Variants in ZNF395 observed in about 807,000 individuals in gnomAD.
The protein encoded by ZNF395 is HD gene regulatory region-binding protein 2.
In ZNF395, 20 loss-of-function variants were observed where a neutral mutation model predicts 57.7. The observed-to-expected ratio is 0.35, with a 90% CI of 0.24 to 0.50. The LOEUF (loss-of-function observed/expected upper bound fraction) is 0.50, where lower values mean the gene tolerates loss of function less well. Among genes scored for constraint, ZNF395 ranks in the 20% least tolerant of loss-of-function variants. The pLI is 0.97. For synonymous variants in ZNF395, 295 were observed against 275.9 expected (o/e 1.07, Z -0.69); for missense variants, 606 against 671.2 (o/e 0.90, Z 1.07).
intron 2 of ZNF395, among the ~76,000 whole-genome samples, 176 bp downstream of exon 2, chr8:28,360,709 A>T (rs1181922098): frequency 6.6e-6 from 1 of 152,248 alleles, no homozygotes; most frequent in Non-Finnish European, 1.5e-5. Context: ...CCCTGGGTCT[A>T]CTAACAATGT....
At chr8:28,383,101 C>A (rs552430176) in intron 1 of ZNF395, among the ~76,000 whole-genome samples, 3 of 152,226 alleles carry the variant, frequency 2.0e-5, no homozygotes, top group Non-Finnish European at 4.4e-5. Context: ...ATCAGACACA[C>A]TCTATAAAGA....
rs1003605307 is a variant in ZNF395, at chr8:28,352,194, G to A, written c.920+379C>T. Reference sequence around the variant, plus strand: ...AAACTCGCTCTGCACAGAACACGGCGGAGGCACCAGGGTGGGGCTAGCGGA... The same window carrying A: ...AAACTCGCTCTGCACAGAACACGGCAGAGGCACCAGGGTGGGGCTAGCGGA... On this transcript the variant is annotated intron_variant, in intron 6 of 9. Transcript: ENST00000344423. The surrounding 1 kb of genome is among the most constrained non-coding windows in gnomAD (Gnocchi z 4.0). 7.2e-5 allele frequency among the ~76,000 whole-genome samples: 11 copies of A among 152,160 alleles called. No homozygotes were observed. Among genetic ancestry groups the A allele is most frequent in the African/African-American group, 1.4e-4 (6 of 41,440 alleles).
intron 5 of ZNF395, 64 bp downstream of exon 5, chr8:28,353,109 G>A (rs945732329): frequency 2.0e-6 from 3 of 1,532,210 alleles, no homozygotes; most frequent in Non-Finnish European, 2.7e-6. Context: ...CTCCACGGCT[G>A]GCTGTCCCCA....
rs1449132500 is a variant in ZNF395 at position 28,385,521 on chromosome 8, G to C, written c.-59+872C>G. On this transcript the variant is annotated intron_variant, in intron 1 of 9. Coordinates refer to ENST00000344423, the MANE Select transcript of ZNF395 (RefSeq NM_018660.3). ...CAGAGGGGGCGGTGGCCGCCAGGGC[G>C]GGAGGGACGCGGGTCGCCCGCGGGC... The C allele has an allele frequency of 1.3e-5, 2 of 151,086 alleles. 1 individual carries two copies. The highest frequency in any genetic ancestry group is 3.0e-5 in the Non-Finnish European group (2 of 67,770). The allele number at this position is 151,086 out of a possible 1,614,324, so 9.4% of individuals were successfully genotyped here.
At position 28,356,865 on chromosome 8, in the gene ZNF395, G is replaced by A; in HGVS notation, c.474-86C>T. 1.9e-6 allele frequency: 2 copies of A among 1,060,738 alleles called. No homozygotes were observed. The highest frequency in any genetic ancestry group is 1.6e-5 in the African/African-American group (1 of 63,554). The allele number at this position is 1,060,738 out of a possible 1,614,324, so 65.7% of individuals were successfully genotyped here. ...GCAAAACGAGACACCACTTCTGGCT[G>A]GTTTCACACAATCATCTTACACTTC... is the stretch of plus-strand genomic sequence containing the variant. On this transcript the variant is annotated intron_variant, in intron 3 of 9. Coordinates refer to ENST00000344423, the MANE Select transcript of ZNF395 (RefSeq NM_018660.3). This position sits in a 1 kb window ranked among gnomAD's most constrained non-coding sequence, Gnocchi z 4.0.
At position 28,353,437 on chromosome 8, in the gene ZNF395, C is replaced by T. The variant is rs200322543; in HGVS notation, c.584-29G>A. On this transcript the variant is annotated intron_variant, in intron 4 of 9. Transcript: ENST00000344423. ...GCCAGATGAAGAAAAGATGAGAGGA[C>T]GCTCACGGGCGTGTCCCTGGGCAAA... The T allele has an allele frequency of 7.9e-4, 1,148 of 1,460,120 alleles. 11 individuals are homozygous for T. The African/African-American group carries it at 0.014, about 18-fold the overall frequency. 90.4% of individuals were successfully genotyped at this position (1,460,120 alleles called of 1,614,324 possible).
rs1801592305 is a variant in ZNF395 at position 28,345,776 on chromosome 8, T to TTTTG, written c.*2942_*2943insCAAA. On this transcript the variant is annotated 3_prime_UTR_variant, in exon 10 of 10. Transcript: ENST00000344423. ...ATCTCCCTCTTGCTTTTTTTTTTTT[T>TTTTG]GCCCCTGGTAAAAGTCAGAACCTGG... 6.6e-6 allele frequency: 1 copy of TTTTG among 151,562 alleles called. No individual in the cohort carries two copies. The highest frequency in any genetic ancestry group is 1.5e-5 in the Non-Finnish European group (1 of 67,746). The allele number at this position is 151,562 out of a possible 1,614,324, so 9.4% of individuals were successfully genotyped here. A position where few individuals can be genotyped will look rare whatever the true frequency, so the allele number is the denominator to read the frequency against.
Position 28,356,881 on chromosome 8 carries a change from C to G in ZNF395, c.474-102G>C. On this transcript the variant is annotated intron_variant, in intron 3 of 9. Transcript: ENST00000344423. This position sits in a 1 kb window ranked among gnomAD's most constrained non-coding sequence, Gnocchi z 4.0. Reference sequence around the variant, plus strand: ...CTTCTGGCTGGTTTCACACAATCATCTTACACTTCTGGACTGTCCCCTCCA... The same window carrying G: ...CTTCTGGCTGGTTTCACACAATCATGTTACACTTCTGGACTGTCCCCTCCA... The G allele has an allele frequency of 2.2e-6, 2 of 906,438 alleles. No individual in the cohort carries two copies. Among genetic ancestry groups the G allele is most frequent in the Non-Finnish European group, 3.4e-6 (2 of 582,676 alleles). 56.1% of individuals were successfully genotyped at this position (906,438 alleles called of 1,614,324 possible).
chr8:28,383,798 TC>T (rs1320355177), intron 1 of ZNF395, among the ~76,000 whole-genome samples: 1 of 151,682 alleles, frequency 6.6e-6, no homozygotes, highest in African/African-American at 2.4e-5. Context: ...CCCCCTGGGC[TC>T]CCCCATCTCA....
At chr8:28,380,372 C>T (rs371706245) in intron 1 of ZNF395, among the ~76,000 whole-genome samples, 5 of 152,134 alleles carry the variant, frequency 3.3e-5, no homozygotes, top group African/African-American at 7.2e-5. Context: ...TAATTCTAGA[C>T]GACTGAACCT....
intron 8 of ZNF395, 32 bp from the exon 9 acceptor site, chr8:28,349,260 G>T: frequency 6.7e-7 from 1 of 1,490,462 alleles, no homozygotes; most frequent in Non-Finnish European, 9.0e-7. Flanking sequence ...GTGAGCACAG[G>T]GACATTCAGG....
At position 28,351,807 on chromosome 8, in the gene ZNF395, C is replaced by T; in HGVS notation, c.921G>A (p.Gly307=). Residue 307 remains glycine (G), a splice_region_variant and synonymous_variant, in exon 7 of 10, where the codon GGG becomes GGA. Transcript: ENST00000344423. ...TGAACTGATCAGAGTCCACTGTGTC[C>T]CTGTGTGGGAGGGAGATGCGGTATA... ...IKRHVKALHL[G]DTVDSDQFKR... The T allele has an allele frequency of 3.9e-6, 6 of 1,541,090 alleles. No individual in the cohort carries two copies. The highest frequency in any genetic ancestry group is 5.2e-6 in the Non-Finnish European group (6 of 1,145,410).
rs1585852307 is a variant in ZNF395, at chr8:28,353,513, C to T, written c.584-105G>A. On this transcript the variant is annotated intron_variant, in intron 4 of 9. Transcript: ENST00000344423. ...ATGGAGAGGAGTTCATTCATGGCAGCAATTTCTCTTGGTAGAACTGCTCTA... is the reference window on the plus strand; with the variant it reads ...ATGGAGAGGAGTTCATTCATGGCAGTAATTTCTCTTGGTAGAACTGCTCTA... 2.4e-5 allele frequency: 21 copies of T among 892,996 alleles called. No homozygotes were observed. In the South Asian group the frequency reaches 3.6e-4, roughly 15 times the overall value. 55.3% of individuals were successfully genotyped at this position (892,996 alleles called of 1,614,324 possible). A position where few individuals can be genotyped will look rare whatever the true frequency, so the allele number is the denominator to read the frequency against.
intron 1 of ZNF395, among the ~76,000 whole-genome samples, chr8:28,383,517 C>T (rs546195004): frequency 2.6e-5 from 4 of 152,266 alleles, no homozygotes; most frequent in East Asian, 3.9e-4. Flanking sequence ...CATTCTACAC[C>T]GTTCTAACCT....
Position 28,348,833 on chromosome 8 carries a change from G to A in ZNF395, c.1431-3C>T. ...TCTTAGCCTCCCCTCGGGCTTTCCT[G>A]CAGAAAGAGAGGAATGCAAATCGAG... On this transcript the variant is annotated splice_region_variant and splice_polypyrimidine_tract_variant and intron_variant, in intron 9 of 9. Coordinates refer to ENST00000344423, the MANE Select transcript of ZNF395 (RefSeq NM_018660.3). 5 of 1,613,842 alleles carry A rather than the reference G, an allele frequency of 3.1e-6. No individual in the cohort carries two copies. The highest frequency in any genetic ancestry group is 4.2e-6 in the Non-Finnish European group (5 of 1,179,894).
At chr8:28,377,603 T>C (rs1378929713) in intron 1 of ZNF395, among the ~76,000 whole-genome samples, 1 of 152,028 alleles carries the variant, frequency 6.6e-6, no homozygotes, top group Non-Finnish European at 1.5e-5. Flanking sequence ...CCTGGGGATA[T>C]AAATCCACAG....
rs762383166 is a variant in ZNF395 at position 28,359,807 on chromosome 8, C to A, written c.258G>T (p.Gly86=). 6.4e-5 allele frequency: 103 copies of A among 1,613,924 alleles called. 4 individuals carry two copies. The South Asian group carries it at 1.1e-3, about 18-fold the overall frequency. Residue 86 remains glycine, a synonymous_variant, in exon 3 of 10, where the codon GGG becomes GGT. Coordinates refer to ENST00000344423, the MANE Select transcript of ZNF395 (RefSeq NM_018660.3). This position sits in a 1 kb window ranked among gnomAD's most constrained non-coding sequence, Gnocchi z 4.7. ...QPGQKVYVWY[G]GQECTGLVEQ... ...CCACCAGTCCTGTGCACTCTTGACC[C>A]CCGTACCACACATAAACCTGTGGGA...
chr8:28,350,096 C>A lies in ZNF395; in HGVS notation c.1294G>T (p.Ala432Ser). 1.2e-6 allele frequency: 2 copies of A among 1,606,842 alleles called. No homozygotes were observed. The highest frequency in any genetic ancestry group is 1.7e-6 in the Non-Finnish European group (2 of 1,178,120). Residue 432 changes from alanine to serine, a missense_variant, in exon 8 of 10, where the codon GCT becomes TCT. Physicochemically the swap from Ala to Ser is moderately conservative, Grantham distance 99. Transcript: ENST00000344423. ...AGAGAGCAGGCGGCGGAGGGGGCAG[C>A]AGCCCAGCTGACACTGGTGTAGATG... Reference protein sequence around the residue: ...PHIYTSVSWAAAPSAACSLSP... With the variant: ...PHIYTSVSWASAPSAACSLSP...
intron 1 of ZNF395, among the ~76,000 whole-genome samples, chr8:28,366,814 T>TAA (rs5890411): frequency 0.013 from 1,714 of 133,790 alleles, 15 homozygotes; most frequent in South Asian, 0.017. Context: ...AAAGAAAGTT[T>TAA]AAAAAAAAAA....
Sources: allele counts gnomAD v4.1 joint callset (sites outside exome capture counted in the v4.1 genomes callset), GRCh38; gene constraint gnomAD v4.1.1; non-coding constraint Gnocchi (gnomAD v3.1); transcripts MANE v1.5; gene names NCBI Gene and HGNC (gene_info 2026-07-23, HGNC 2026-07-21).